The following KCMF1 variants were observed in gnomAD, a reference collection of about 807,000 sequenced individuals.
The protein encoded by KCMF1 is potassium channel modulatory factor 1, also known as E3 ubiquitin-protein ligase KCMF1.
Under a neutral mutation model 41.1 loss-of-function variants are expected in KCMF1, and 3 were observed. That is an observed-to-expected ratio of 0.07 (90% CI 0.03 to 0.19). KCMF1 has a LOEUF of 0.19. KCMF1 is among the 10% of genes least tolerant of loss of function. The pLI, the probability that KCMF1 is intolerant of heterozygous loss-of-function variation, is 1.00. For synonymous variants in KCMF1, 142 were observed against 164.5 expected, an observed-to-expected ratio of 0.86 and a Z score of 1.04; for missense variants, 286 against 488.9, an observed-to-expected ratio of 0.58 and a Z score of 3.91.
chr2:85,033,691 C>T (rs138494709), intron 2 of KCMF1, among the ~76,000 whole-genome samples: 2 of 152,286 alleles, frequency 1.3e-5, no homozygotes, highest in Non-Finnish European at 2.9e-5. Flanking sequence ...CCTATCACCT[C>T]CTAAAGACAC....
chr2:85,025,332 G>A (rs562084549), intron 1 of KCMF1, among the ~76,000 whole-genome samples: 1 of 152,230 alleles, frequency 6.6e-6, no homozygotes, highest in African/African-American at 2.4e-5. Context: ...TTAAAATGCT[G>A]TTGCAAATGG....
chr2:85,053,534 T>C lies in KCMF1; in HGVS notation c.*125T>C. The C allele has an allele frequency of 1.0e-6, 1 of 978,680 alleles. No individual in the cohort carries two copies. The highest frequency in any genetic ancestry group is 1.5e-6 in the Non-Finnish European group (1 of 672,356). The allele number at this position is 978,680 out of a possible 1,614,324, so 60.6% of individuals were successfully genotyped here. On this transcript the variant is annotated 3_prime_UTR_variant, in exon 7 of 7. Coordinates refer to ENST00000409785, the MANE Select transcript of KCMF1 (RefSeq NM_020122.5). ...TGTCACTCTTGTTACATTGTGTACATTCAAAAGGAAGAGAGAAAATATATA... is the reference window on the plus strand; with the variant it reads ...TGTCACTCTTGTTACATTGTGTACACTCAAAAGGAAGAGAGAAAATATATA...
At chr2:84,980,516 C>G (rs561523699) in intron 1 of KCMF1, among the ~76,000 whole-genome samples, 1 of 152,168 alleles carries the variant, frequency 6.6e-6, no homozygotes, top group Non-Finnish European at 1.5e-5. Context: ...CCTGATGGCC[C>G]TCTTGGTGTT....
chr2:85,027,749 TC>T (rs1392030286), intron 1 of KCMF1, 139 bp from the exon 2 acceptor site: 1 of 603,288 alleles, frequency 1.7e-6, no homozygotes. Flanking sequence ...GGCTAAAACT[TC>T]CCGTATCATT....
At chr2:84,972,095 C>G (rs926743811) in intron 1 of KCMF1, 1 of 152,192 alleles carries the variant, frequency 6.6e-6, no homozygotes, top group Non-Finnish European at 1.5e-5. Flanking sequence ...GCTCGGGTAA[C>G]CAAGTTCCCG....
At position 84,979,585 on chromosome 2, in the gene KCMF1, CAAAG is replaced by C. The variant is rs1235709730; in HGVS notation, c.16+8119_16+8122del. ...GGGGCTACTTTCATGCATATGGACT[CAAAG>C]GAAGCGCTCCCTAAACTGCATATTC... On this transcript the variant is annotated intron_variant, in intron 1 of 6. Coordinates refer to ENST00000409785, the MANE Select transcript of KCMF1 (RefSeq NM_020122.5). Among the ~76,000 whole-genome samples the C allele has an allele frequency of 1.2e-4, 18 of 151,442 alleles. No individual in the cohort carries two copies. The East Asian group carries it at 3.3e-3, about 28-fold the overall frequency.
intron 1 of KCMF1, 65 bp downstream of exon 1, chr2:84,971,532 G>C (rs1015438512): frequency 1.1e-6 from 1 of 922,824 alleles, no homozygotes; most frequent in African/African-American, 1.8e-5. Flanking sequence ...CGGGCCGGGC[G>C]CGGCGGAGGG....
intron 1 of KCMF1, among the ~76,000 whole-genome samples, chr2:85,008,291 T>TATATAATATATAATATGATATATATATC (rs1486177880): frequency 1.8e-3 from 26 of 14,642 alleles, no homozygotes; most frequent in Non-Finnish European, 3.8e-3. Context: ...TGATATATAA[T>TATATAATATATAATATGATATATATATC]ATATATAATA....
chr2:84,971,773 C>T (rs1673400875), intron 1 of KCMF1, among the ~76,000 whole-genome samples: 1 of 150,768 alleles, frequency 6.6e-6, no homozygotes, highest in African/African-American at 2.4e-5. Context: ...GGAGCTCGGC[C>T]TTCGGGACTG....
At chr2:84,995,424 C>T (rs942518344) in intron 1 of KCMF1, among the ~76,000 whole-genome samples, 2 of 152,022 alleles carry the variant, frequency 1.3e-5, no homozygotes, top group African/African-American at 2.4e-5. Flanking sequence ...AAGAATATTT[C>T]GTAGGTGCCG....
chr2:84,983,720 A>G (rs1673824860), intron 1 of KCMF1, among the ~76,000 whole-genome samples: 1 of 152,160 alleles, frequency 6.6e-6, no homozygotes, highest in African/African-American at 2.4e-5. Flanking sequence ...TGTGTTGGCC[A>G]GGCTGGTCTT....
chr2:85,024,860 C>G (rs1316344335), intron 1 of KCMF1, among the ~76,000 whole-genome samples: 3 of 151,944 alleles, frequency 2.0e-5, no homozygotes, highest in East Asian at 3.9e-4. Context: ...CTTTAGTGAC[C>G]TTGCTGTTGT....
intron 1 of KCMF1, among the ~76,000 whole-genome samples, chr2:84,981,060 GAA>G (rs34832404): frequency 8.7e-4 from 127 of 145,966 alleles, no homozygotes; most frequent in African/African-American, 1.3e-3. Context: ...ACTGCTACTA[GAA>G]AAAAAAAAAC....
chr2:85,008,170 A>G (rs1674517913), intron 1 of KCMF1, among the ~76,000 whole-genome samples: 1 of 144,780 alleles, frequency 6.9e-6, no homozygotes, highest in Non-Finnish European at 1.5e-5. Context: ...TGGTTATAAC[A>G]TTTTTTCGAT....
intron 1 of KCMF1, among the ~76,000 whole-genome samples, chr2:85,022,819 T>C (rs1052206841): frequency 1.3e-5 from 2 of 152,096 alleles, no homozygotes. Flanking sequence ...ATTTTCCTTT[T>C]ATAGTTTTAC....
intron 1 of KCMF1, among the ~76,000 whole-genome samples, chr2:84,978,277 A>C (rs951300804): frequency 6.6e-6 from 1 of 152,146 alleles, no homozygotes; most frequent in Non-Finnish European, 1.5e-5. Context: ...GATTACAGGC[A>C]TGAGCCACCG....
intron 3 of KCMF1, among the ~76,000 whole-genome samples, chr2:85,039,929 CAGCCTCCCGAGT>C (rs1675486330): frequency 6.6e-6 from 1 of 152,164 alleles, no homozygotes; most frequent in Non-Finnish European, 1.5e-5. Flanking sequence ...TCTCCTGCCT[CAGCCTCCCGAGT>C]AGCTGGGATT....
At chr2:85,046,398 A>C (rs1675668279) in intron 5 of KCMF1, 120 bp downstream of exon 5, 1 of 693,944 alleles carries the variant, frequency 1.4e-6, no homozygotes, top group Non-Finnish European at 2.4e-6. Flanking sequence ...GGGAGGCTGG[A>C]GCGGGTGGAT....
chr2:84,971,676 C>T (rs1294461495), intron 1 of KCMF1, among the ~76,000 whole-genome samples: 52 of 150,008 alleles, frequency 3.5e-4, no homozygotes, highest in Admixed American at 3.4e-3. Context: ...GGGCCTGGTG[C>T]TGGAGGCGGG....
Sources: gnomAD v4.1 joint callset for allele counts (sites outside exome capture counted in the v4.1 genomes callset) on GRCh38, gnomAD v4.1.1 for gene constraint, MANE v1.5 for transcripts, NCBI Gene and HGNC (gene_info 2026-07-23, HGNC 2026-07-21) for gene names.